The following KIAA0825 variants were observed in gnomAD, a reference collection of about 807,000 sequenced individuals.
The protein encoded by KIAA0825 is KIAA0825.
Under a neutral mutation model 147.6 loss-of-function variants are expected in KIAA0825, and 119 were observed. The ratio of observed to expected loss-of-function variants is 0.81; its 90% CI spans 0.69 to 0.94. KIAA0825 has a LOEUF of 0.94. Among genes scored for constraint, KIAA0825 ranks in the 40% least tolerant of loss-of-function variants. The pLI is 0.00. For synonymous variants in KIAA0825, 470 were observed against 518.1 expected (o/e 0.91, Z 1.26); for missense variants, 1,381 against 1,472.7 (o/e 0.94, Z 1.02).
chr5:94,296,209 G>A lies in KIAA0825; in HGVS notation c.3710+88159C>T, dbSNP rs1021882196. Among the ~76,000 whole-genome samples, 42 of 152,082 alleles carry A rather than the reference G, an allele frequency of 2.8e-4. 1 individual carries two copies. The highest frequency in any genetic ancestry group is 9.9e-4 in the African/African-American group (41 of 41,406). On this transcript the variant is annotated intron_variant, in intron 20 of 20. Coordinates refer to ENST00000682413, the MANE Select transcript of KIAA0825 (RefSeq NM_001145678.3). ...CAGGTGGCTTTGTTTACACTGTGAG[G>A]GGAAAACTGCCTACTCAAACCTCAG...
chr5:94,352,890 A>G (rs1049275137), intron 20 of KIAA0825, among the ~76,000 whole-genome samples: 2 of 151,106 alleles, frequency 1.3e-5, no homozygotes, highest in African/African-American at 4.9e-5. Flanking sequence ...ATGCGAAGGC[A>G]TAAGAATGAT....
chr5:94,338,703 A>G (rs1782059996), intron 20 of KIAA0825, among the ~76,000 whole-genome samples: 1 of 152,168 alleles, frequency 6.6e-6, no homozygotes, highest in African/African-American at 2.4e-5. Context: ...AGACTATATC[A>G]TATAGCCTAG....
chr5:94,289,159 A>T (rs898724630), intron 20 of KIAA0825, among the ~76,000 whole-genome samples: 1 of 152,200 alleles, frequency 6.6e-6, no homozygotes, highest in Non-Finnish European at 1.5e-5. Context: ...TTCTATAACT[A>T]TCATTTCACA....
intron 1 of KIAA0825, among the ~76,000 whole-genome samples, chr5:94,587,533 G>A (rs771577347): frequency 2.6e-5 from 4 of 152,102 alleles, no homozygotes; most frequent in Admixed American, 1.3e-4. Context: ...ACTGCTCAAC[G>A]AAATAAAAGA....
intron 20 of KIAA0825, among the ~76,000 whole-genome samples, chr5:94,254,988 C>T (rs1776167911): frequency 6.6e-6 from 1 of 151,878 alleles, no homozygotes; most frequent in African/African-American, 2.4e-5. Flanking sequence ...ATTTGCTGAA[C>T]AGATAAATTA....
At chr5:94,436,762 G>GT (rs1408822187) in intron 14 of KIAA0825, among the ~76,000 whole-genome samples, 1 of 152,108 alleles carries the variant, frequency 6.6e-6, no homozygotes, top group Non-Finnish European at 1.5e-5. Context: ...AGCATGAAAT[G>GT]TTTTTCCATT....
intron 17 of KIAA0825, among the ~76,000 whole-genome samples, chr5:94,394,155 A>G (rs1212629220): frequency 3.9e-5 from 6 of 152,234 alleles, no homozygotes; most frequent in Admixed American, 3.3e-4. Context: ...CCCAGCCAAG[A>G]AACACTTACA....
Position 94,458,754 on chromosome 5 carries a change from A to ATTT in KIAA0825, c.2246+3632_2246+3633insAAA, listed in dbSNP as rs1562517732. Reference sequence around the variant, plus strand: ...CATTCTGCCAGATACCTTTTTTTTAAAAAAAAAAAATCATTTTAAATGTGT... The same window carrying ATTT: ...CATTCTGCCAGATACCTTTTTTTTAATTTAAAAAAAAAATCATTTTAAATGTGT... On this transcript the variant is annotated intron_variant, in intron 12 of 20. Coordinates refer to ENST00000682413, the MANE Select transcript of KIAA0825 (RefSeq NM_001145678.3). Among the ~76,000 whole-genome samples the ATTT allele has an allele frequency of 3.6e-3, 538 of 148,652 alleles. 1 individual carries two copies. The highest frequency in any genetic ancestry group is 0.013 in the African/African-American group (515 of 39,594).
intron 20 of KIAA0825, among the ~76,000 whole-genome samples, chr5:94,216,433 T>C (rs899066832): frequency 7.9e-5 from 12 of 152,298 alleles, no homozygotes; most frequent in African/African-American, 2.9e-4. Context: ...TCAGATGGAA[T>C]GGAAGGTAGG....
chr5:94,523,341 CT>C (rs1768583206), intron 4 of KIAA0825, among the ~76,000 whole-genome samples: 2 of 151,604 alleles, frequency 1.3e-5, no homozygotes, highest in Non-Finnish European at 3.0e-5. Flanking sequence ...GATAAAATCA[CT>C]GTTCTTATTG....
chr5:94,162,621 A>G (rs1767687536), intron 20 of KIAA0825, among the ~76,000 whole-genome samples: 1 of 152,210 alleles, frequency 6.6e-6, no homozygotes. Context: ...ATCACAGAAT[A>G]ATAACATTAC....
intron 20 of KIAA0825, among the ~76,000 whole-genome samples, chr5:94,160,470 A>G (rs1179170322): frequency 6.7e-6 from 1 of 149,252 alleles, no homozygotes; most frequent in Admixed American, 6.7e-5. Context: ...ATATCTGCAT[A>G]TCTGTATATA....
chr5:94,520,788 T>C lies in KIAA0825; in HGVS notation c.430A>G (p.Thr144Ala), dbSNP rs1244516850. 3 of 1,613,118 alleles carry C rather than the reference T, an allele frequency of 1.9e-6. No individual in the cohort carries two copies. The highest frequency in any genetic ancestry group is 2.7e-5 in the African/African-American group (2 of 74,894). Residue 144 changes from threonine (T) to alanine (A), a missense_variant, in exon 5 of 21, where the codon ACG (threonine) becomes GCG (alanine). Thr to Ala is a moderately conservative substitution (Grantham distance 58). Coordinates refer to ENST00000682413, the MANE Select transcript of KIAA0825 (RefSeq NM_001145678.3). ...TTATCTTCAACAGAATGAAGAGACG[T>C]CCTAGAGAGGAAATGGAAAGATGTT... ...SGTSFHFLSR[T>A]SLHSVEDNSS...
Position 94,312,646 on chromosome 5 carries a change from G to A in KIAA0825, c.3710+71722C>T, listed in dbSNP as rs143830321. Among the ~76,000 whole-genome samples, 25 of 151,740 alleles carry A rather than the reference G, an allele frequency of 1.6e-4. No individual in the cohort carries two copies. The Middle Eastern group carries it at 0.014, about 83-fold the overall frequency. ...TTGAATTCACACAATTACAGTCATCGGCATGTTTTGTCAATGATCTGCTTA... is the reference window on the plus strand; with the variant it reads ...TTGAATTCACACAATTACAGTCATCAGCATGTTTTGTCAATGATCTGCTTA... On this transcript the variant is annotated intron_variant, in intron 20 of 20. Transcript: ENST00000682413.
chr5:94,171,228 G>A (rs1364884865), intron 20 of KIAA0825, among the ~76,000 whole-genome samples: 2 of 152,154 alleles, frequency 1.3e-5, no homozygotes, highest in African/African-American at 2.4e-5. Flanking sequence ...TCTCACACAA[G>A]GTCAGATGGT....
At chr5:94,331,209 A>G (rs1781240036) in intron 20 of KIAA0825, among the ~76,000 whole-genome samples, 1 of 151,764 alleles carries the variant, frequency 6.6e-6, no homozygotes, top group African/African-American at 2.4e-5. Flanking sequence ...AAGGAAAGAG[A>G]AAGAAAGAAA....
intron 20 of KIAA0825, among the ~76,000 whole-genome samples, chr5:94,345,807 A>C (rs1782916794): frequency 6.6e-6 from 1 of 152,202 alleles, no homozygotes; most frequent in South Asian, 2.1e-4. Context: ...GACAAGACTC[A>C]TGTCTCCAAA....
intron 2 of KIAA0825, among the ~76,000 whole-genome samples, chr5:94,552,209 C>A (rs560104773): frequency 6.6e-6 from 1 of 152,072 alleles, no homozygotes; most frequent in East Asian, 1.9e-4. Flanking sequence ...ATCGGTTTAG[C>A]AAAAGTATAT....
chr5:94,525,474 C>T (rs1023185181), intron 3 of KIAA0825, among the ~76,000 whole-genome samples: 1 of 151,876 alleles, frequency 6.6e-6, no homozygotes, highest in Non-Finnish European at 1.5e-5. Context: ...GAAAACAATA[C>T]CTCCTCTGGC....
Sources: allele counts gnomAD v4.1 joint callset (sites outside exome capture counted in the v4.1 genomes callset), GRCh38; gene constraint gnomAD v4.1.1; transcripts MANE v1.5; gene names NCBI Gene and HGNC (gene_info 2026-07-23, HGNC 2026-07-21).